The following SLC9C2 variants were observed in gnomAD, a reference collection of about 807,000 sequenced individuals.
SLC9C2 encodes solute carrier family 9 member C2 (putative).
A neutral mutation model predicts 140.2 loss-of-function variants in SLC9C2; 75 were observed. The observed-to-expected ratio is 0.53, with a 90% CI of 0.44 to 0.65. SLC9C2 has a LOEUF of 0.65. Ranked by LOEUF, SLC9C2 falls within the 30% of genes least tolerant of loss-of-function variation. The pLI is 0.00. For synonymous variants in SLC9C2, 375 were observed against 420.9 expected (o/e 0.89, Z 1.34); for missense variants, 1,074 against 1,331.8 (o/e 0.81, Z 3.01).
chr1:173,578,430 A>C (rs1018261679), intron 7 of SLC9C2, among the ~76,000 whole-genome samples: 3 of 152,246 alleles, frequency 2.0e-5, no homozygotes, highest in Non-Finnish European at 4.4e-5. Context: ...ACATCTCCTT[A>C]TAACACTGCC....
intron 7 of SLC9C2, among the ~76,000 whole-genome samples, chr1:173,577,347 T>C (rs1665244143): frequency 6.6e-6 from 1 of 152,222 alleles, no homozygotes; most frequent in Admixed American, 6.5e-5. Flanking sequence ...TCCAGTTCCT[T>C]ACACCTGCTT....
At chr1:173,514,742 G>C (rs1263324091) in intron 23 of SLC9C2, among the ~76,000 whole-genome samples, 1 of 152,150 alleles carries the variant, frequency 6.6e-6, no homozygotes, top group African/African-American at 2.4e-5. Flanking sequence ...TTTCTTCATA[G>C]TGCCATTAGT....
chr1:173,533,192 C>G (rs895821270), intron 17 of SLC9C2, among the ~76,000 whole-genome samples: 1 of 151,990 alleles, frequency 6.6e-6, no homozygotes, highest in Non-Finnish European at 1.5e-5. Context: ...TCATTTCTTT[C>G]AAAACAATGA....
intron 4 of SLC9C2, among the ~76,000 whole-genome samples, chr1:173,590,556 CA>C: frequency 1.3e-5 from 2 of 152,156 alleles, no homozygotes; most frequent in Middle Eastern, 3.4e-3. Context: ...ATAAATTAGG[CA>C]CAGTAAAAGA....
At chr1:173,589,019 A>C (rs1558094690) in intron 4 of SLC9C2, among the ~76,000 whole-genome samples, 1 of 152,198 alleles carries the variant, frequency 6.6e-6, no homozygotes, top group Non-Finnish European at 1.5e-5. Context: ...TTGAGGTTGC[A>C]ATGAACCATG....
In SLC9C2 at chr1:173,601,656, AAAC is replaced by A; in HGVS notation, c.118_120del (p.Val40del). On this transcript the variant is annotated inframe_deletion, in exon 2 of 28. Transcript: ENST00000367714. The stretch of plus-strand genomic sequence containing the variant: ...TTCAAAAACAACCACCTACCTCCCA[AAAC>A]AACAATGAAGCATACAAGCGTTGTG... The A allele has an allele frequency of 1.2e-6, 2 of 1,613,438 alleles. No homozygotes were observed. The highest frequency in any genetic ancestry group is 1.7e-6 in the Non-Finnish European group (2 of 1,179,766).
Position 173,534,617 on chromosome 1 carries a change from T to C in SLC9C2, c.1841A>G (p.Gln614Arg), listed in dbSNP as rs1661811729. The part of the protein sequence containing the change: ...VFSEEFEYTG[Q>R]IINLIYIYPM... Reference sequence around the variant, plus strand: ...ATAAATATATATCAAATTTATAATCTGTCCTGTATATTCAAATTCTTCAGA... The same window carrying C: ...ATAAATATATATCAAATTTATAATCCGTCCTGTATATTCAAATTCTTCAGA... Residue 614 changes from glutamine to arginine, a missense_variant, in exon 16 of 28, where the codon CAG becomes CGG. Transcript: ENST00000367714. The C allele has an allele frequency of 6.4e-7, 1 of 1,570,154 alleles. No homozygotes were observed. The highest frequency in any genetic ancestry group is 1.4e-5 in the African/African-American group (1 of 72,538).
chr1:173,577,650 A>G (rs1427495021), intron 7 of SLC9C2, among the ~76,000 whole-genome samples: 2 of 152,204 alleles, frequency 1.3e-5, no homozygotes, highest in Non-Finnish European at 2.9e-5. Flanking sequence ...CCGTAACTAT[A>G]AAATAGGTGT....
At chr1:173,564,521 A>G (rs1344515479) in intron 9 of SLC9C2, among the ~76,000 whole-genome samples, 1 of 152,122 alleles carries the variant, frequency 6.6e-6, no homozygotes, top group Non-Finnish European at 1.5e-5. Flanking sequence ...GTGTCTACTC[A>G]GATCTTTTGC....
rs1014425268 is a variant in SLC9C2 at position 173,500,721 on chromosome 1, T to G, written c.*373A>C. On this transcript the variant is annotated 3_prime_UTR_variant, in exon 28 of 28. Transcript: ENST00000367714. ...TTATAACAATTTCACAAATGAAAAT[T>G]ACAGGTTCTATGCTTTAGAGAGTAA... The G allele has an allele frequency of 3.2e-5, 5 of 156,226 alleles. No homozygotes were observed. Among genetic ancestry groups the G allele is most frequent in the African/African-American group, 9.6e-5 (4 of 41,714 alleles). 9.7% of individuals were successfully genotyped at this position (156,226 alleles called of 1,614,324 possible).
At chr1:173,599,213 G>A (rs1026739308) in intron 3 of SLC9C2, among the ~76,000 whole-genome samples, 15 of 151,952 alleles carry the variant, frequency 9.9e-5, no homozygotes, top group African/African-American at 3.4e-4. Context: ...CCGCTTCCCG[G>A]GTTCACGCCA....
At chr1:173,595,967 C>A (rs1666430247) in intron 4 of SLC9C2, among the ~76,000 whole-genome samples, 1 of 152,074 alleles carries the variant, frequency 6.6e-6, no homozygotes, top group African/African-American at 2.4e-5. Flanking sequence ...CCCTAGCAAC[C>A]AATGATGTTC....
intron 22 of SLC9C2, among the ~76,000 whole-genome samples, chr1:173,520,988 T>C (rs2101944528): frequency 6.6e-6 from 1 of 152,328 alleles, no homozygotes; most frequent in South Asian, 2.1e-4. Flanking sequence ...TTTTTGATCC[T>C]CATTCTATTT....
At chr1:173,580,797 T>C (rs1427454207) in intron 7 of SLC9C2, among the ~76,000 whole-genome samples, 1 of 152,246 alleles carries the variant, frequency 6.6e-6, no homozygotes, top group Non-Finnish European at 1.5e-5. Context: ...AGTAGCAGTT[T>C]ATTCAACCAA....
intron 23 of SLC9C2, among the ~76,000 whole-genome samples, chr1:173,512,570 T>C (rs1413352983): frequency 6.6e-6 from 1 of 152,234 alleles, no homozygotes; most frequent in East Asian, 1.9e-4. Context: ...AATGGGGTTT[T>C]CTAAATATAG....
At chr1:173,534,788 A>C (rs1392245550) in intron 15 of SLC9C2, 106 bp from the exon 16 acceptor site, 1 of 873,818 alleles carries the variant, frequency 1.1e-6, no homozygotes, top group African/African-American at 1.8e-5. Context: ...AAGACTATAC[A>C]TAATATAAAA....
At chr1:173,539,630 G>A (rs559370980) in intron 13 of SLC9C2, among the ~76,000 whole-genome samples, 1 of 152,202 alleles carries the variant, frequency 6.6e-6, no homozygotes, top group East Asian at 1.9e-4. Flanking sequence ...TCTATGCATA[G>A]TGTTAAAATC....
intron 13 of SLC9C2, 101 bp downstream of exon 13, chr1:173,547,588 C>T: frequency 1.3e-6 from 1 of 786,426 alleles, no homozygotes; most frequent in Non-Finnish European, 2.0e-6. Flanking sequence ...AATCAATAGA[C>T]TATGAGAAGG....
intron 23 of SLC9C2, among the ~76,000 whole-genome samples, chr1:173,516,170 C>G (rs370514910): frequency 6.6e-6 from 1 of 152,188 alleles, no homozygotes. Flanking sequence ...ACCCATTTAA[C>G]GAACCACTTT....
Sources: gnomAD v4.1 joint callset for allele counts (sites outside exome capture counted in the v4.1 genomes callset) on GRCh38, gnomAD v4.1.1 for gene constraint, MANE v1.5 for transcripts, NCBI Gene and HGNC (gene_info 2026-07-23, HGNC 2026-07-21) for gene names.